The following SRCIN1 variants were observed in gnomAD, a reference collection of about 807,000 sequenced individuals.
The protein encoded by SRCIN1 is SRC kinase signaling inhibitor 1.
Under a neutral mutation model 116.2 loss-of-function variants are expected in SRCIN1, and 50 were observed. The ratio of observed to expected loss-of-function variants is 0.43; its 90% CI spans 0.34 to 0.54. SRCIN1 has a LOEUF of 0.54. Ranked by LOEUF, SRCIN1 falls within the 20% of genes least tolerant of loss-of-function variation. The probability of loss-of-function intolerance (pLI) is 0.02; values close to 1 mark genes in which losing one functional copy is unlikely to be tolerated. For missense variants in SRCIN1, 1,446 were observed against 1,672.0 expected (o/e 0.86, Z 2.36); for synonymous variants, 736 against 750.0 (o/e 0.98, Z 0.30).
At position 38,562,412 on chromosome 17, in the gene SRCIN1, C is replaced by T; in HGVS notation, c.835-84G>A. On this transcript the variant is annotated intron_variant, in intron 6 of 18. Transcript: ENST00000617146. The surrounding 1 kb of genome is among the most constrained non-coding windows in gnomAD (Gnocchi z 4.2). Reference sequence around the variant, plus strand: ...TTGCTTGAGGAGCCAGCATCTCCTCCCTGACGCTTAGGAAGTCCCTTCTGC... The same window carrying T: ...TTGCTTGAGGAGCCAGCATCTCCTCTCTGACGCTTAGGAAGTCCCTTCTGC... 3 of 1,351,990 alleles carry T rather than the reference C, an allele frequency of 2.2e-6. No individual in the cohort carries two copies. The South Asian group carries it at 4.9e-5, about 22-fold the overall frequency. The allele number at this position is 1,351,990 out of a possible 1,614,324, so 83.7% of individuals were successfully genotyped here.
At chr17:38,591,866 C>G (rs1908460725) in intron 1 of SRCIN1, among the ~76,000 whole-genome samples, 1 of 152,238 alleles carries the variant, frequency 6.6e-6, no homozygotes, top group Non-Finnish European at 1.5e-5. Context: ...AGAGCCCCAG[C>G]TCCAGACACC....
rs750877138 is a variant in SRCIN1 at position 38,551,204 on chromosome 17, G to A, written c.2913C>T (p.His971=). The A allele has an allele frequency of 1.4e-5, 22 of 1,599,272 alleles. No individual in the cohort carries two copies. Among genetic ancestry groups the A allele is most frequent in the East Asian group, 4.5e-5 (2 of 44,676 alleles). ...TPDHKPPKAP[H]GQKAAPRTEP... is the part of the protein sequence containing the mutation. ...CCGTTCGGGGGGCTGCCTTCTGGCC[G>A]TGGGGGGCCTTGGGGGGCTTGTGAT... The change falls in exon 15 of 19, where the codon CAC becomes CAT. Residue 971 remains histidine, a synonymous_variant. Transcript: ENST00000617146.
chr17:38,577,167 T>A (rs374943003), intron 2 of SRCIN1, among the ~76,000 whole-genome samples: 31 of 152,284 alleles, frequency 2.0e-4, no homozygotes, highest in East Asian at 1.5e-3. Context: ...GCAGGAAGCC[T>A]TCCCCGATCA....
At chr17:38,549,255 G>C in intron 15 of SRCIN1, 45 bp from the exon 16 acceptor site, 1 of 1,481,998 alleles carries the variant, frequency 6.7e-7, no homozygotes, top group Non-Finnish European at 8.9e-7. Flanking sequence ...TGCAACCTTG[G>C]AGTCAGTGCA....
At chr17:38,577,025 G>T (rs1361727682) in intron 2 of SRCIN1, among the ~76,000 whole-genome samples, 2 of 152,124 alleles carry the variant, frequency 1.3e-5, no homozygotes, top group African/African-American at 4.8e-5. Flanking sequence ...GTGGACCTCT[G>T]TGCCAGTTCC....
chr17:38,551,648 AT>A, intron 14 of SRCIN1: 1 of 669,690 alleles, frequency 1.5e-6, no homozygotes, highest in Non-Finnish European at 2.5e-6. Context: ...CACTGACTAC[AT>A]AGTCTATTCT....
Position 38,559,723 on chromosome 17 carries a change from C to G in SRCIN1, c.1887G>C (p.Pro629=). 1 of 1,559,932 alleles carries G rather than the reference C, an allele frequency of 6.4e-7. No individual in the cohort carries two copies. Residue 629 remains proline (P), a synonymous_variant, in exon 10 of 19, where the codon CCG becomes CCC. Transcript: ENST00000617146. ...GGGTGCTGCTGGCCGAGGGCGGGGG[C>G]GGGCCGGACACCGGGGTGGCCCCGC... ...RSSGATPVSG[P]PPPSASSTPA...
Position 38,551,968 on chromosome 17 carries a change from G to C in SRCIN1, c.2645C>G (p.Ser882Cys). 1 of 1,614,068 alleles carries C rather than the reference G, an allele frequency of 6.2e-7. No individual in the cohort carries two copies. ...HELSGPAEGA[S>C]LTPKGGNPTK... The stretch of plus-strand genomic sequence containing the variant: ...GGGGTTGCCCCCCTTGGGGGTAAGA[G>C]AGGCTCCTTCAGCTGGCCCGCTCAG... The change falls in exon 14 of 19, where the codon TCT (serine) becomes TGT (cysteine). Residue 882 changes from serine (S) to cysteine (C), a missense_variant. Physicochemically the swap from Ser to Cys is moderately radical, Grantham distance 112. This residue lies in a region of SRCIN1 where 531 missense variants were observed against 633.9 expected (regional missense o/e 0.84). Coordinates refer to ENST00000617146, the MANE Select transcript of SRCIN1 (RefSeq NM_025248.3).
At chr17:38,581,362 C>T (rs981872885) in intron 1 of SRCIN1, among the ~76,000 whole-genome samples, 4 of 147,576 alleles carry the variant, frequency 2.7e-5, no homozygotes, top group South Asian at 2.1e-4. Flanking sequence ...ACGGAGATTA[C>T]GCCACTGCAC....
chr17:38,539,125 G>C (rs1282572111), intron 18 of SRCIN1, among the ~76,000 whole-genome samples: 1 of 152,186 alleles, frequency 6.6e-6, no homozygotes, highest in African/African-American at 2.4e-5. Context: ...TATTTACTGA[G>C]TGCCTACGTA....
chr17:38,564,349 T>C, intron 3 of SRCIN1, 36 bp from the exon 4 acceptor site: 2 of 1,464,618 alleles, frequency 1.4e-6, no homozygotes, highest in East Asian at 2.5e-5. Context: ...GAACCAAGGA[T>C]GAGCACCCCC....
At chr17:38,536,857 G>T (rs1904409754) in intron 18 of SRCIN1, among the ~76,000 whole-genome samples, 1 of 152,222 alleles carries the variant, frequency 6.6e-6, no homozygotes, top group Non-Finnish European at 1.5e-5. Flanking sequence ...TGGTCTGTTG[G>T]AGGCTTCTGG....
rs962308798 is a variant in SRCIN1 at position 38,562,599 on chromosome 17, T to C, written c.834+228A>G. Among the ~76,000 whole-genome samples, 2 of 152,156 alleles carry C rather than the reference T, an allele frequency of 1.3e-5. No homozygotes were observed. The highest frequency in any genetic ancestry group is 6.5e-5 in the Admixed American group (1 of 15,280). On this transcript the variant is annotated intron_variant, in intron 6 of 18. Transcript: ENST00000617146. This position sits in a 1 kb window ranked among gnomAD's most constrained non-coding sequence, Gnocchi z 4.2. ...AAGGGGAAGGGGTGGCTCCGGCTCC[T>C]GAGAGAGGGCTTAGAATATCTGGAG...
intron 1 of SRCIN1, among the ~76,000 whole-genome samples, chr17:38,586,274 G>A (rs1001959090): frequency 4.6e-5 from 7 of 152,214 alleles, no homozygotes; most frequent in African/African-American, 7.2e-5. Flanking sequence ...AGGGAGGATC[G>A]AGGCCATCCC....
intron 15 of SRCIN1, among the ~76,000 whole-genome samples, chr17:38,550,368 C>T (rs2143087341): frequency 6.6e-6 from 1 of 152,238 alleles, no homozygotes; most frequent in South Asian, 2.1e-4. Flanking sequence ...GGTGCAGGCG[C>T]CTGTAGTCCC....
chr17:38,575,764 C>T (rs1237557611), intron 2 of SRCIN1, among the ~76,000 whole-genome samples: 2 of 152,212 alleles, frequency 1.3e-5, no homozygotes, highest in African/African-American at 2.4e-5. Context: ...CCACCCCCTT[C>T]GTTCCCCAAG....
intron 1 of SRCIN1, among the ~76,000 whole-genome samples, chr17:38,603,156 T>G: frequency 6.7e-6 from 1 of 149,282 alleles, no homozygotes; most frequent in African/African-American, 2.5e-5. Context: ...CCAGGGTGGG[T>G]CCCTGGCGAG....
Position 38,561,839 on chromosome 17 carries a change from C to T in SRCIN1, c.1324G>A (p.Ala442Thr). Residue 442 changes from alanine to threonine, a missense_variant, in exon 7 of 19, where the codon GCG becomes ACG. This residue lies in a region of SRCIN1 where 398 missense variants were observed against 385.6 expected (regional missense o/e 1.03). Transcript: ENST00000617146. ...GAGTCCTCCAGATCGGACTGCAGCG[C>T]GGCGGCCGAGTAGGTGCTGAGCGAG... ...VRSLSTYSAA[A>T]LQSDLEDSLY... 6.8e-7 allele frequency: 1 copy of T among 1,474,070 alleles called. No individual in the cohort carries two copies. Among genetic ancestry groups the T allele is most frequent in the Non-Finnish European group, 8.9e-7 (1 of 1,122,082 alleles). 91.3% of individuals were successfully genotyped at this position (1,474,070 alleles called of 1,614,324 possible). A position where few individuals can be genotyped will look rare whatever the true frequency, so the allele number is the denominator to read the frequency against.
chr17:38,597,257 G>A (rs1022855109), intron 1 of SRCIN1, among the ~76,000 whole-genome samples: 10 of 152,230 alleles, frequency 6.6e-5, no homozygotes, highest in African/African-American at 2.4e-4. Flanking sequence ...GGCAGTGGGA[G>A]GCACAAAAGT....
Sources: gnomAD v4.1 joint callset for allele counts (sites outside exome capture counted in the v4.1 genomes callset) on GRCh38, gnomAD v4.1.1 for gene constraint, gnomAD v4.1.1 regional missense constraint, Gnocchi (gnomAD v3.1) non-coding constraint, MANE v1.5 for transcripts, NCBI Gene and HGNC (gene_info 2026-07-23, HGNC 2026-07-21) for gene names.